TPCN2: variants seen among roughly 807,000 people sequenced by gnomAD.
TPCN2 encodes two pore segment channel 2, also known as two pore channel protein 2.
TPCN2 carries 92 observed loss-of-function variants against 111.4 expected under a neutral mutation model. The ratio of observed to expected loss-of-function variants is 0.83; its 90% CI spans 0.70 to 0.98. TPCN2 has a LOEUF of 0.98. Ranked by LOEUF, TPCN2 falls within the 50% of genes least tolerant of loss-of-function variation. The pLI, the probability that TPCN2 is intolerant of heterozygous loss-of-function variation, is 0.00. For synonymous variants in TPCN2, 405 were observed against 414.5 expected (o/e 0.98, Z 0.28); for missense variants, 995 against 980.1 (o/e 1.02, Z -0.20).
At position 69,071,913 on chromosome 11, in the gene TPCN2, C is replaced by T. The variant is rs1437150741; in HGVS notation, c.961-10C>T. On this transcript the variant is annotated splice_polypyrimidine_tract_variant and intron_variant, in intron 10 of 24. Transcript: ENST00000294309. ...GCTGATCCTGCCGTTCATAGCCTTC[C>T]TCTTTGCAGAAATCTCTCCAGACCT... is the stretch of plus-strand genomic sequence containing the variant. 1 of 1,613,342 alleles carries T rather than the reference C, an allele frequency of 6.2e-7. No homozygotes were observed. Among genetic ancestry groups the T allele is most frequent in the African/African-American group, 1.3e-5 (1 of 75,064 alleles).
chr11:69,063,686 C>T (rs1565084049), intron 6 of TPCN2, among the ~76,000 whole-genome samples: 1 of 152,144 alleles, frequency 6.6e-6, no homozygotes, highest in Non-Finnish European at 1.5e-5. Flanking sequence ...AAGAAAGGAC[C>T]CTGCCAGGGC....
At chr11:69,084,388 C>T (rs930856733) in intron 19 of TPCN2, among the ~76,000 whole-genome samples, 14 of 152,226 alleles carry the variant, frequency 9.2e-5, no homozygotes, top group African/African-American at 2.9e-4. Flanking sequence ...AAAGCCTGCA[C>T]AAGCCCTGGG....
chr11:69,070,581 A>G (rs1565087867), intron 9 of TPCN2, 86 bp downstream of exon 9: 1 of 1,019,790 alleles, frequency 9.8e-7, no homozygotes, highest in Admixed American at 2.3e-5. Flanking sequence ...CACGACCTGA[A>G]ACTTCACATC....
At chr11:69,079,112 G>A in intron 16 of TPCN2, 92 bp downstream of exon 16, 1 of 1,472,304 alleles carries the variant, frequency 6.8e-7, no homozygotes, top group Non-Finnish European at 9.1e-7. Context: ...CCTCCCCTGA[G>A]GACTAGAGGC....
intron 1 of TPCN2, among the ~76,000 whole-genome samples, chr11:69,049,574 G>C (rs982177911): frequency 2.0e-5 from 3 of 152,224 alleles, no homozygotes; most frequent in African/African-American, 4.8e-5. Flanking sequence ...CCTACCCAAG[G>C]TCACACACCC....
Position 69,073,004 on chromosome 11 carries a change from A to G in TPCN2, c.1230+3A>G. Reference sequence around the variant, plus strand: ...TTGACAGAAGTGTGGTTAAAGAGGTAACTGGGGCCACAGCCGCCCAGGGTG... The same window carrying G: ...TTGACAGAAGTGTGGTTAAAGAGGTGACTGGGGCCACAGCCGCCCAGGGTG... On this transcript the variant is annotated splice_donor_region_variant and intron_variant, in intron 13 of 24. Coordinates refer to ENST00000294309, the MANE Select transcript of TPCN2 (RefSeq NM_139075.4). 1 of 1,612,472 alleles carries G rather than the reference A, an allele frequency of 6.2e-7. No homozygotes were observed. Among genetic ancestry groups the G allele is most frequent in the South Asian group, 1.1e-5 (1 of 90,810 alleles).
chr11:69,056,856 GAGAC>G (rs1363980846), intron 4 of TPCN2, among the ~76,000 whole-genome samples: 2 of 149,256 alleles, frequency 1.3e-5, no homozygotes, highest in Non-Finnish European at 3.0e-5. Flanking sequence ...ATTTATTTTT[GAGAC>G]AGAGTCTAGC....
chr11:69,086,715 G>C, intron 23 of TPCN2, 111 bp downstream of exon 23: 3 of 1,053,060 alleles, frequency 2.8e-6, no homozygotes, highest in Non-Finnish European at 4.4e-6. Context: ...TGGGAGAGTC[G>C]TGCTGGGTTA....
intron 5 of TPCN2, among the ~76,000 whole-genome samples, chr11:69,060,250 G>A (rs145136948): frequency 1.3e-3 from 198 of 152,332 alleles, no homozygotes; most frequent in African/African-American, 4.5e-3. Flanking sequence ...TTTCCCTTCT[G>A]CAGCATCCGT....
chr11:69,080,294 T>A (rs1855950650), intron 17 of TPCN2, among the ~76,000 whole-genome samples: 1 of 152,248 alleles, frequency 6.6e-6, no homozygotes. Context: ...AGCCCCTGCC[T>A]CACAGTGTGA....
Position 69,085,720 on chromosome 11 carries a change from G to A in TPCN2, c.1888G>A (p.Glu630Lys). The A allele has an allele frequency of 6.2e-7, 1 of 1,614,126 alleles. No individual in the cohort carries two copies. Among genetic ancestry groups the A allele is most frequent in the Non-Finnish European group, 8.5e-7 (1 of 1,180,022 alleles). Residue 630 changes from glutamate to lysine, a missense_variant, in exon 21 of 25, where the codon GAG becomes AAG. Glu to Lys is a moderately conservative substitution (Grantham distance 56, BLOSUM62 1). Coordinates refer to ENST00000294309, the MANE Select transcript of TPCN2 (RefSeq NM_139075.4). ...SAPCGSFEQL[E>K]YWANNFDDFA... ...GCCCTGTGGGAGCTTCGAGCAGCTG[G>A]AGTACTGGGCCAACAACTTCGATGA...
Position 69,062,916 on chromosome 11 carries a change from C to T in TPCN2, c.579C>T (p.Phe193=), listed in dbSNP as rs1297529768. The T allele has an allele frequency of 1.2e-6, 2 of 1,614,042 alleles. No homozygotes were observed. Among genetic ancestry groups the T allele is most frequent in the Non-Finnish European group, 1.7e-6 (2 of 1,179,928 alleles). Residue 193 remains phenylalanine (F), a synonymous_variant, in exon 6 of 25, where the codon TTC becomes TTT. Coordinates refer to ENST00000294309, the MANE Select transcript of TPCN2 (RefSeq NM_139075.4). ...GGATCCGCCGGCTTCTCCGTCCCTT[C>T]TTCCTGCTGCAGAACTCCTCTATGA... ...PLRIRRLLRP[F]FLLQNSSMMK...
chr11:69,049,133 A>T, intron 1 of TPCN2, 27 bp downstream of exon 1: 1 of 1,216,462 alleles, frequency 8.2e-7, no homozygotes, highest in Non-Finnish European at 1.0e-6. Context: ...TGGGGAGGGG[A>T]CTGGCCCGGG....
At chr11:69,056,220 C>T (rs1444500707) in intron 4 of TPCN2, among the ~76,000 whole-genome samples, 1 of 152,240 alleles carries the variant, frequency 6.6e-6, no homozygotes, top group East Asian at 1.9e-4. Context: ...GCCTTGGGCT[C>T]ACGTGGCTTC....
chr11:69,058,301 C>T (rs999908138), intron 5 of TPCN2, among the ~76,000 whole-genome samples: 2 of 152,148 alleles, frequency 1.3e-5, no homozygotes, highest in African/African-American at 2.4e-5. Context: ...AAACAGGCTC[C>T]GAGAAACCAA....
At chr11:69,073,149 T>A (rs3750966) in intron 13 of TPCN2, 148 bp downstream of exon 13, 256,563 of 601,790 alleles carry the variant, frequency 0.43, 57,668 homozygotes, top group Non-Finnish European at 0.48. Flanking sequence ...GGGAATGGAG[T>A]TCTCTTTGGC....
chr11:69,068,569 G>T (rs376023900), intron 8 of TPCN2, among the ~76,000 whole-genome samples: 1 of 1,086 alleles, frequency 9.2e-4, no homozygotes, highest in Admixed American at 9.8e-3. Flanking sequence ...CCTAGGAAGT[G>T]ACCGCAGTGG....
chr11:69,053,117 A>G (rs1208614298), intron 1 of TPCN2, among the ~76,000 whole-genome samples: 2 of 152,214 alleles, frequency 1.3e-5, no homozygotes, highest in Non-Finnish European at 2.9e-5. Flanking sequence ...GCTTGTGAGC[A>G]GGCCAGGGTG....
chr11:69,084,083 G>A, intron 19 of TPCN2, 67 bp downstream of exon 19: 3 of 1,507,640 alleles, frequency 2.0e-6, no homozygotes, highest in African/African-American at 2.7e-5. Context: ...GCTGGCGGAA[G>A]GCAGTGCCGG....
Sources: gnomAD v4.1 joint callset for allele counts (sites outside exome capture counted in the v4.1 genomes callset) on GRCh38, gnomAD v4.1.1 for gene constraint, MANE v1.5 for transcripts, NCBI Gene and HGNC (gene_info 2026-07-23, HGNC 2026-07-21) for gene names.